The following ZNF837 variants were observed in gnomAD, a reference collection of about 807,000 sequenced individuals.
ZNF837 encodes the protein zinc finger protein 837.
For missense variants in ZNF837, 955 were observed against 801.7 expected (o/e 1.19, Z -2.31); for synonymous variants, 475 against 365.2 (o/e 1.30, Z -3.43).
rs1435621360 is a variant in ZNF837, at chr19:58,367,757, C to G, written c.1576G>C (p.Gly526Arg). 3 of 1,532,516 alleles carry G rather than the reference C, an allele frequency of 2.0e-6. No homozygotes were observed. Among genetic ancestry groups the G allele is most frequent in the Non-Finnish European group, 2.6e-6 (3 of 1,144,720 alleles). 94.9% of individuals were successfully genotyped at this position (1,532,516 alleles called of 1,614,324 possible). Reference protein sequence around the residue: ...SNLNEHRKRHGGRAAP With the variant: ...SNLNEHRKRHRGRAAP ...TGCAGTCAAGGCGCGGCGCGGCCCC[C>G]GTGCCGCTTCCGGTGCTCGTTGAGG... The change falls in exon 3 of 3, where the codon GGG becomes CGG. Residue 526 changes from glycine to arginine, a missense_variant. By Grantham distance (125) the Gly-to-Arg change is moderately radical. Coordinates refer to ENST00000597582, the MANE Select transcript of ZNF837 (RefSeq NM_138466.2).
At chr19:58,376,554 C>CAAA (rs59075587) in intron 1 of ZNF837, among the ~76,000 whole-genome samples, 4 of 67,798 alleles carry the variant, frequency 5.9e-5, no homozygotes, top group African/African-American at 1.9e-4. Context: ...GACTCTGTCT[C>CAAA]AAAAAAAAAA....
At chr19:58,374,980 C>T (rs1020207866) in intron 1 of ZNF837, among the ~76,000 whole-genome samples, 3 of 149,216 alleles carry the variant, frequency 2.0e-5, no homozygotes, top group Non-Finnish European at 4.4e-5. Flanking sequence ...AAAACATGGC[C>T]GGGCACAGTG....
rs571812811 is a variant in ZNF837 at position 58,375,056 on chromosome 19, C to T, written c.-139-5128G>A. ...GGTGGATCACTTGAGGTCAGGAGTT[C>T]GAGACCACCCTGGCCAACATGGTGA... is the stretch of plus-strand genomic sequence containing the variant. On this transcript the variant is annotated intron_variant, in intron 1 of 2. Coordinates refer to ENST00000597582, the MANE Select transcript of ZNF837 (RefSeq NM_138466.2). 1.0e-4 allele frequency among the ~76,000 whole-genome samples: 15 copies of T among 150,016 alleles called. No individual in the cohort carries two copies. In the South Asian group the frequency reaches 1.7e-3, roughly 17 times the overall value.
chr19:58,375,278 A>G (rs1173799627), intron 1 of ZNF837, among the ~76,000 whole-genome samples: 1 of 38,698 alleles, frequency 2.6e-5, no homozygotes, highest in Non-Finnish European at 6.0e-5. Context: ...AAGTATATAT[A>G]TATATATATA....
rs1245332645 is a variant in ZNF837, at chr19:58,368,199, G to A, written c.1134C>T (p.Leu378=). The A allele has an allele frequency of 6.4e-7, 1 of 1,560,072 alleles. No homozygotes were observed. Among genetic ancestry groups the A allele is most frequent in the East Asian group, 2.4e-5 (1 of 42,228 alleles). ...CAKAFGLFSH[L]VEHRRVHTGE... ...CGGTGTGCACGCGCCGGTGCTCCAC[G>A]AGGTGCGAGAACAGCCCGAAGGCCT... Residue 378 remains leucine (L), a synonymous_variant, in exon 3 of 3, where the codon CTC becomes CTT. Coordinates refer to ENST00000597582, the MANE Select transcript of ZNF837 (RefSeq NM_138466.2).
At chr19:58,377,650 CAAAGA>C (rs1327201275) in intron 1 of ZNF837, among the ~76,000 whole-genome samples, 1 of 152,172 alleles carries the variant, frequency 6.6e-6, no homozygotes, top group Non-Finnish European at 1.5e-5. Context: ...AAAAAGAAAG[CAAAGA>C]AAACTCTTCA....
chr19:58,368,220 G>A lies in ZNF837; in HGVS notation c.1113C>T (p.Ala371=). The part of the protein sequence containing the change: ...KPYECADCAK[A]FGLFSHLVEH... ...CCACGAGGTGCGAGAACAGCCCGAA[G>A]GCCTTGGCGCAGTCGGCGCACTCGT... is the stretch of plus-strand genomic sequence containing the variant. The change falls in exon 3 of 3, where the codon GCC becomes GCT. Residue 371 remains alanine (A), a synonymous_variant. Coordinates refer to ENST00000597582, the MANE Select transcript of ZNF837 (RefSeq NM_138466.2). The A allele has an allele frequency of 6.5e-7, 1 of 1,536,812 alleles. No individual in the cohort carries two copies. Among genetic ancestry groups the A allele is most frequent in the Non-Finnish European group, 8.7e-7 (1 of 1,144,952 alleles).
intron 1 of ZNF837, among the ~76,000 whole-genome samples, chr19:58,370,617 C>A (rs758813355): frequency 1.3e-5 from 2 of 152,118 alleles, no homozygotes; most frequent in Non-Finnish European, 2.9e-5. Flanking sequence ...AAAGGACGGC[C>A]GGGCACGGTA....
intron 1 of ZNF837, among the ~76,000 whole-genome samples, chr19:58,375,269 AGTATATATATATATAT>A: frequency 5.0e-5 from 1 of 19,920 alleles, no homozygotes; most frequent in African/African-American, 5.0e-4. Context: ...AAAAAAAAAA[AGTATATATATATATAT>A]ATATATATAT....
chr19:58,368,995 C>A lies in ZNF837; in HGVS notation c.338G>T (p.Gly113Val), dbSNP rs1247041440. 1 of 1,519,722 alleles carries A rather than the reference C, an allele frequency of 6.6e-7. No homozygotes were observed. The highest frequency in any genetic ancestry group is 8.8e-7 in the Non-Finnish European group (1 of 1,130,674). The allele number at this position is 1,519,722 out of a possible 1,614,324, so 94.1% of individuals were successfully genotyped here. A position where few individuals can be genotyped will look rare whatever the true frequency, so the allele number is the denominator to read the frequency against. ...GCCACGCGCTGGGCTCCTACAGGGG[C>A]CCTCCCGGGCTTGCAGCCCCTCGGG... ...VIPEGLQARE[G>V]PCRSPARGGD... The change falls in exon 3 of 3, where the codon GGC becomes GTC. Residue 113 changes from glycine to valine, a missense_variant. Coordinates refer to ENST00000597582, the MANE Select transcript of ZNF837 (RefSeq NM_138466.2).
chr19:58,378,244 T>C lies in ZNF837; in HGVS notation c.-140+2697A>G, dbSNP rs80324511. On this transcript the variant is annotated intron_variant, in intron 1 of 2. Coordinates refer to ENST00000597582, the MANE Select transcript of ZNF837 (RefSeq NM_138466.2). The stretch of plus-strand genomic sequence containing the variant: ...ACACGGAGGAGGGAGCATGCCACTA[T>C]GGATGCTGAGCAGCAGGAGGTCAGG... Among the ~76,000 whole-genome samples, 681 of 152,304 alleles carry C rather than the reference T, an allele frequency of 4.5e-3. 9 individuals carry two copies. The highest frequency in any genetic ancestry group is 0.034 in the Middle Eastern group (10 of 294).
chr19:58,370,811 C>T (rs1288561472), intron 1 of ZNF837, among the ~76,000 whole-genome samples: 2 of 152,118 alleles, frequency 1.3e-5, no homozygotes, highest in Non-Finnish European at 1.5e-5. Context: ...AAGAGAATCA[C>T]TTGAACCCGG....
chr19:58,378,313 G>C (rs553405543), intron 1 of ZNF837, among the ~76,000 whole-genome samples: 1 of 152,216 alleles, frequency 6.6e-6, no homozygotes, highest in African/African-American at 2.4e-5. Context: ...CCCACAGCCA[G>C]GATCTGGACC....
rs1316602058 is a variant in ZNF837, at chr19:58,379,421, C to G, written c.-140+1520G>C. Among the ~76,000 whole-genome samples, 8 of 152,324 alleles carry G rather than the reference C, an allele frequency of 5.3e-5. No individual in the cohort carries two copies. In the East Asian group the frequency reaches 1.5e-3, roughly 29 times the overall value. ...TCTCTTCGTCTCCTTGATCTGCTCC[C>G]AGGATGCACTGTCCAACTATCCCAC... On this transcript the variant is annotated intron_variant, in intron 1 of 2. Transcript: ENST00000597582.
chr19:58,368,723 C>T lies in ZNF837; in HGVS notation c.610G>A (p.Glu204Lys), dbSNP rs535336284. 1.1e-3 allele frequency: 1,655 copies of T among 1,536,162 alleles called. 1 individual carries two copies. Among genetic ancestry groups the T allele is most frequent in the Non-Finnish European group, 1.3e-3 (1,537 of 1,146,092 alleles). The change falls in exon 3 of 3, where the codon GAG becomes AAG. Residue 204 changes from glutamate to lysine, a missense_variant. By Grantham distance (56) the Glu-to-Lys change is moderately conservative. Coordinates refer to ENST00000597582, the MANE Select transcript of ZNF837 (RefSeq NM_138466.2). ...VEQPRACACG[E>K]AFAWRALRIP... ...CGCAGGGCCCTCCACGCAAAGGCCTCGCCGCACGCGCAAGCCCGGGGCTGC... is the reference window on the plus strand; with the variant it reads ...CGCAGGGCCCTCCACGCAAAGGCCTTGCCGCACGCGCAAGCCCGGGGCTGC...
chr19:58,377,113 A>G (rs2122134773), intron 1 of ZNF837, among the ~76,000 whole-genome samples: 1 of 150,706 alleles, frequency 6.6e-6, no homozygotes, highest in South Asian at 2.1e-4. Flanking sequence ...GATACTCGGG[A>G]GGCTGAGACA....
rs759397780 is a variant in ZNF837, at chr19:58,367,655, CGTT to C, written c.*79_*81del. ...AGTGAAGTTTAATCAAAGTTACAAA[CGTT>C]GGTGGGTTTTCCGGGACAAAGGCCC... On this transcript the variant is annotated 3_prime_UTR_variant, in exon 3 of 3. Coordinates refer to ENST00000597582, the MANE Select transcript of ZNF837 (RefSeq NM_138466.2). 25 of 1,420,492 alleles carry C rather than the reference CGTT, an allele frequency of 1.8e-5. 1 individual carries two copies. The highest frequency in any genetic ancestry group is 5.1e-4 in the Middle Eastern group (2 of 3,910). The allele number at this position is 1,420,492 out of a possible 1,614,324, so 88.0% of individuals were successfully genotyped here. A position where few individuals can be genotyped will look rare whatever the true frequency, so the allele number is the denominator to read the frequency against.
chr19:58,367,951 T>C lies in ZNF837; in HGVS notation c.1382A>G (p.Glu461Gly), dbSNP rs1323919845. The change falls in exon 3 of 3, where the codon GAG becomes GGG. Residue 461 changes from glutamate (E) to glycine (G), a missense_variant. Physicochemically the swap from Glu to Gly is moderately conservative, Grantham distance 98. Transcript: ENST00000597582. ...ECGKTFRGCS[E>G]LRQHERLHSG... ...GTGCAGGCGCTCGTGCTGGCGCAGC[T>C]CGGAGCAGCCGCGGAAGGTCTTTCC... is the stretch of plus-strand genomic sequence containing the variant. 1 of 1,533,444 alleles carries C rather than the reference T, an allele frequency of 6.5e-7. No individual in the cohort carries two copies. The highest frequency in any genetic ancestry group is 1.2e-5 in the South Asian group (1 of 83,856). The allele number at this position is 1,533,444 out of a possible 1,614,324, so 95.0% of individuals were successfully genotyped here. A position where few individuals can be genotyped will look rare whatever the true frequency, so the allele number is the denominator to read the frequency against.
intron 1 of ZNF837, among the ~76,000 whole-genome samples, chr19:58,374,695 G>C (rs947237456): frequency 1.3e-5 from 2 of 152,122 alleles, no homozygotes; most frequent in African/African-American, 2.4e-5. Flanking sequence ...CCCGCACTTT[G>C]GGAGGCGAAG....
Sources: allele counts gnomAD v4.1 joint callset (sites outside exome capture counted in the v4.1 genomes callset), GRCh38; gene constraint gnomAD v4.1.1; transcripts MANE v1.5; gene names NCBI Gene and HGNC (gene_info 2026-07-23, HGNC 2026-07-21).